Variants in TEX15 observed in about 807,000 individuals in gnomAD.
TEX15 encodes testis-expressed protein 15.
In TEX15, 171 loss-of-function variants were observed where a neutral mutation model predicts 237.3. The observed-to-expected ratio is 0.72, with a 90% CI of 0.64 to 0.82. The LOEUF (loss-of-function observed/expected upper bound fraction) is 0.82. TEX15 is among the 40% of genes least tolerant of loss of function. The probability of loss-of-function intolerance (pLI) is 0.00; values close to 1 mark genes in which losing one functional copy is unlikely to be tolerated. For synonymous variants in TEX15, 1,338 were observed against 1,269.8 expected, an observed-to-expected ratio of 1.05 and a Z score of -1.14; for missense variants, 3,750 against 3,646.5, an observed-to-expected ratio of 1.03 and a Z score of -0.73.
chr8:30,856,243 G>A (rs1352552727), intron 7 of TEX15, among the ~76,000 whole-genome samples: 2 of 152,002 alleles, frequency 1.3e-5, no homozygotes, highest in African/African-American at 4.8e-5. Context: ...ATGGTGCCCG[G>A]CACGAAGTTT....
At chr8:30,883,580 C>G (rs1176970543) in intron 3 of TEX15, among the ~76,000 whole-genome samples, 1 of 152,066 alleles carries the variant, frequency 6.6e-6, no homozygotes, top group Non-Finnish European at 1.5e-5. Context: ...TGTTCATCTC[C>G]CACGTATAAG....
intron 7 of TEX15, among the ~76,000 whole-genome samples, chr8:30,851,868 A>C (rs774640621): frequency 1.5e-4 from 23 of 151,972 alleles, no homozygotes; most frequent in Non-Finnish European, 2.9e-4. Flanking sequence ...CAGGAGGCGG[A>C]AGTTGCAGTG....
chr8:30,885,579 G>A (rs1176494817), intron 3 of TEX15, among the ~76,000 whole-genome samples: 2 of 152,106 alleles, frequency 1.3e-5, no homozygotes, highest in Non-Finnish European at 2.9e-5. Context: ...GGTCTGAGAG[G>A]TGACTGTATG....
At position 30,845,811 on chromosome 8, in the gene TEX15, A is replaced by C. The variant is rs146297284; in HGVS notation, c.4356T>G (p.Tyr1452Ter). 2 of 1,608,950 alleles carry C rather than the reference A, an allele frequency of 1.2e-6. No individual in the cohort carries two copies. Among genetic ancestry groups the C allele is most frequent in the Non-Finnish European group, 1.7e-6 (2 of 1,178,730 alleles). Residue 1452 changes from tyrosine to a stop codon, truncating the protein, a stop_gained, in exon 8 of 11, where the codon TAT (tyrosine) becomes TAG (stop). Coordinates refer to ENST00000643185, the MANE Select transcript of TEX15 (RefSeq NM_001350162.2). LOFTEE classifies it high-confidence loss of function. ...GAGCTCTTTTCTTTCTCCGTTTGTC[A>C]TATTTTCTTTTTGACGAAAAATGCT... is the stretch of plus-strand genomic sequence containing the variant. ...STKHFSSKRK[Y>*]DKRRKKRAPK...
Position 30,875,037 on chromosome 8 carries a change from A to T in TEX15, c.202T>A (p.Cys68Ser), listed in dbSNP as rs1331749598. Residue 68 changes from cysteine (C) to serine (S), a missense_variant, in exon 4 of 11, where the codon TGC becomes AGC. Coordinates refer to ENST00000643185, the MANE Select transcript of TEX15 (RefSeq NM_001350162.2). ...YSFIHDTLNQ[C>S]RLDVNCDLQS... ...AGATCACAGTTTACATCAAGCCTGC[A>T]CTGGTTAAGAGTATCATGTATAAAA... is the stretch of plus-strand genomic sequence containing the variant. 7.3e-7 allele frequency: 1 copy of T among 1,369,872 alleles called. No homozygotes were observed. The highest frequency in any genetic ancestry group is 9.4e-7 in the Non-Finnish European group (1 of 1,059,086). 84.9% of individuals were successfully genotyped at this position (1,369,872 alleles called of 1,614,324 possible).
Position 30,849,050 on chromosome 8 carries a change from G to C in TEX15, c.1117C>G (p.Gln373Glu), listed in dbSNP as rs1807705051. Reference protein sequence around the residue: ...HSLAEIRDTSQVLAHDSDISL... With the variant: ...HSLAEIRDTSEVLAHDSDISL... Reference sequence around the variant, plus strand: ...ATGTCTGAATCATGTGCAAGTACTTGAGAAGTGTCTCTAATTTCTGCTAAA... The same window carrying C: ...ATGTCTGAATCATGTGCAAGTACTTCAGAAGTGTCTCTAATTTCTGCTAAA... Residue 373 changes from glutamine (Q) to glutamate (E), a missense_variant, in exon 8 of 11, where the codon CAA becomes GAA. Coordinates refer to ENST00000643185, the MANE Select transcript of TEX15 (RefSeq NM_001350162.2). 13 of 1,614,090 alleles carry C rather than the reference G, an allele frequency of 8.1e-6. No homozygotes were observed. In the East Asian group the frequency reaches 2.9e-4, roughly 36 times the overall value.
rs1807966973 is a variant in TEX15 at position 30,858,656 on chromosome 8, T to C, written c.850+12A>G. 2.0e-6 allele frequency: 3 copies of C among 1,523,048 alleles called. No individual in the cohort carries two copies. Among genetic ancestry groups the C allele is most frequent in the East Asian group, 4.9e-5 (2 of 40,736 alleles). The allele number at this position is 1,523,048 out of a possible 1,614,324, so 94.3% of individuals were successfully genotyped here. ...CAAATATTAATCAAGTACAATCATA[T>C]GTGTATCTTACCAGCTCTCTTAGGA... On this transcript the variant is annotated intron_variant, in intron 7 of 10. Coordinates refer to ENST00000643185, the MANE Select transcript of TEX15 (RefSeq NM_001350162.2).
chr8:30,855,324 T>C (rs923852947), intron 7 of TEX15, among the ~76,000 whole-genome samples: 6 of 152,154 alleles, frequency 3.9e-5, no homozygotes, highest in African/African-American at 1.4e-4. Context: ...AAATAAATAA[T>C]TCCATTTATG....
intron 3 of TEX15, among the ~76,000 whole-genome samples, chr8:30,881,779 G>A (rs150132265): frequency 1.2e-3 from 180 of 151,928 alleles, no homozygotes; most frequent in African/African-American, 4.1e-3. Flanking sequence ...ATACCGCCAT[G>A]CCTGGCTAAT....
chr8:30,864,377 A>G (rs1254443220), intron 5 of TEX15, among the ~76,000 whole-genome samples: 1 of 151,914 alleles, frequency 6.6e-6, no homozygotes, highest in Non-Finnish European at 1.5e-5. Flanking sequence ...GAGGACAGAG[A>G]GAAAATGGGC....
chr8:30,907,138 A>T (rs888243606), intron 1 of TEX15, among the ~76,000 whole-genome samples: 10 of 152,308 alleles, frequency 6.6e-5, no homozygotes, highest in Admixed American at 1.3e-4. Context: ...TTGATTTAAT[A>T]AAAGCTTTTT....
chr8:30,858,311 T>A (rs1445010397), intron 7 of TEX15, among the ~76,000 whole-genome samples: 1 of 151,794 alleles, frequency 6.6e-6, no homozygotes, highest in Non-Finnish European at 1.5e-5. Flanking sequence ...TTTTATCTTT[T>A]TCTTTTTTTT....
intron 7 of TEX15, among the ~76,000 whole-genome samples, chr8:30,856,780 G>A (rs1213864801): frequency 6.6e-6 from 1 of 152,010 alleles, no homozygotes; most frequent in Non-Finnish European, 1.5e-5. Context: ...ATTGAAATAC[G>A]TTAGAGATAA....
rs1239819993 is a variant in TEX15 at position 30,888,644 on chromosome 8, A to T, written c.-9-1333T>A. On this transcript the variant is annotated intron_variant, in intron 2 of 10. Transcript: ENST00000643185. The stretch of plus-strand genomic sequence containing the variant: ...GCAGGTATTTTTCGTACCATTTCGT[A>T]ACATGGTTGATGGCCCTCCTGACAC... 2.3e-6 allele frequency: 3 copies of T among 1,289,568 alleles called. No homozygotes were observed. The African/African-American group carries it at 4.6e-5, about 20-fold the overall frequency. 79.9% of individuals were successfully genotyped at this position (1,289,568 alleles called of 1,614,324 possible). A position where few individuals can be genotyped will look rare whatever the true frequency, so the allele number is the denominator to read the frequency against.
In TEX15 at chr8:30,848,565, G is replaced by A. The variant is rs1807687264; in HGVS notation, c.1602C>T (p.Asp534=). The A allele has an allele frequency of 6.2e-7, 1 of 1,613,878 alleles. No individual in the cohort carries two copies. The highest frequency in any genetic ancestry group is 1.1e-5 in the South Asian group (1 of 91,074). Reference sequence around the variant, plus strand: ...AAATTGGGAAGGAAAAATTACCTTGGTCCTTACATTGCCCTGCCATGGTAA... The same window carrying A: ...AAATTGGGAAGGAAAAATTACCTTGATCCTTACATTGCCCTGCCATGGTAA... ...NKVTMAGQCK[D]QGNFSFPISV... Residue 534 remains aspartate (D), a synonymous_variant, in exon 8 of 11, where the codon GAC becomes GAT. Coordinates refer to ENST00000643185, the MANE Select transcript of TEX15 (RefSeq NM_001350162.2).
In TEX15 at chr8:30,848,805, C is replaced by T. The variant is rs568473425; in HGVS notation, c.1362G>A (p.Glu454=). The change falls in exon 8 of 11, where the codon GAG becomes GAA. Residue 454 remains glutamate (E), a synonymous_variant. Transcript: ENST00000643185. ...GEQSSTAGLN[E]VLQFEKSSDN... is the part of the protein sequence containing the mutation. ...CTGAACTCTTCTCAAATTGCAAAAC[C>T]TCATTTAAGCCTGCAGTACTACTCT... 7 of 1,614,110 alleles carry T rather than the reference C, an allele frequency of 4.3e-6. 1 individual carries two copies. In the South Asian group the frequency reaches 6.6e-5, roughly 15 times the overall value.
intron 10 of TEX15, 125 bp downstream of exon 10, chr8:30,836,678 T>A (rs1807308119): frequency 1.1e-6 from 1 of 896,484 alleles, no homozygotes; most frequent in Non-Finnish European, 1.7e-6. Context: ...ATTCTACAAA[T>A]CTGTACAGAA....
chr8:30,881,331 A>C (rs181325718), intron 3 of TEX15, among the ~76,000 whole-genome samples: 4 of 152,270 alleles, frequency 2.6e-5, no homozygotes, highest in African/African-American at 9.6e-5. Context: ...AGAATTCTCC[A>C]GTGAAACCAT....
rs191702616 is a variant in TEX15, at chr8:30,906,478, T to C, written c.-86+6401A>G. On this transcript the variant is annotated intron_variant, in intron 1 of 10. Coordinates refer to ENST00000643185, the MANE Select transcript of TEX15 (RefSeq NM_001350162.2). ...GGTGGCAGGCACCTGTAATCCCAGC[T>C]ACTCAGGAGGCTGAGGCAGGAGAGT... Among the ~76,000 whole-genome samples the C allele has an allele frequency of 1.3e-3, 191 of 151,722 alleles. 1 individual carries two copies. The highest frequency in any genetic ancestry group is 4.3e-3 in the African/African-American group (177 of 41,370).
Sources: allele counts gnomAD v4.1 joint callset (sites outside exome capture counted in the v4.1 genomes callset), GRCh38; gene constraint gnomAD v4.1.1; transcripts MANE v1.5; gene names NCBI Gene and HGNC (gene_info 2026-07-23, HGNC 2026-07-21).